The following KCNG3 variants were observed in gnomAD, a reference collection of about 807,000 sequenced individuals.
The protein encoded by KCNG3 is voltage-gated potassium channel regulatory subunit KCNG3.
A neutral mutation model predicts 29.0 loss-of-function variants in KCNG3; 15 were observed. The observed-to-expected ratio is 0.52, with a 90% confidence interval of 0.35 to 0.80. KCNG3 has a LOEUF of 0.80. Among genes scored for constraint, KCNG3 ranks in the 30% least tolerant of loss-of-function variants. The probability of loss-of-function intolerance (pLI) is 0.01; values close to 1 mark genes in which losing one functional copy is unlikely to be tolerated. For synonymous variants in KCNG3, 322 were observed against 248.9 expected (o/e 1.29, Z -2.76); for missense variants, 512 against 605.7 (o/e 0.85, Z 1.62).
the KCNG3 span, among the ~76,000 whole-genome samples, chr2:42,407,627 C>T: frequency 2.0e-5 from 3 of 152,282 alleles, no homozygotes; most frequent in African/African-American, 7.2e-5. Flanking sequence ...CTCCAGGGAG[C>T]CCCGCTTGGG....
At chr2:42,450,601 T>C (rs1208226679) in intron 1 of KCNG3, among the ~76,000 whole-genome samples, 5 of 152,234 alleles carry the variant, frequency 3.3e-5, no homozygotes, top group East Asian at 1.9e-4. Flanking sequence ...TCCAAACATA[T>C]AGATGTTCAT....
At chr2:42,404,550 G>A in the KCNG3 span, among the ~76,000 whole-genome samples, 2 of 152,004 alleles carry the variant, frequency 1.3e-5, no homozygotes, top group African/African-American at 4.8e-5. Flanking sequence ...GCAACATGGC[G>A]AAACCCCATC....
chr2:42,475,222 G>T (rs1572858928), intron 1 of KCNG3, among the ~76,000 whole-genome samples: 2 of 152,092 alleles, frequency 1.3e-5, no homozygotes, highest in Admixed American at 1.3e-4. Context: ...CTACTTGAGA[G>T]GCTGAGGCAG....
intron 1 of KCNG3, among the ~76,000 whole-genome samples, chr2:42,449,741 G>A (rs969411233): frequency 1.3e-5 from 2 of 152,088 alleles, no homozygotes; most frequent in East Asian, 1.9e-4. Flanking sequence ...ATGAGCCACC[G>A]CACCCAGCCT....
Position 42,442,205 on chromosome 2 carries a change from T to C in KCNG3, c.*1729A>G, listed in dbSNP as rs1011674600. 2 of 152,166 alleles carry C rather than the reference T, an allele frequency of 1.3e-5. No homozygotes were observed. 9.4% of individuals were successfully genotyped at this position (152,166 alleles called of 1,614,324 possible). ...TCTTTTGGGTATGTAAGAAGTAGCATACTAGCAGTAATAGGGAAAATAGGG... is the reference window on the plus strand; with the variant it reads ...TCTTTTGGGTATGTAAGAAGTAGCACACTAGCAGTAATAGGGAAAATAGGG... On this transcript the variant is annotated 3_prime_UTR_variant, in exon 2 of 2. Coordinates refer to ENST00000306078, the MANE Select transcript of KCNG3 (RefSeq NM_133329.6).
the KCNG3 span, among the ~76,000 whole-genome samples, chr2:42,413,928 G>T: frequency 6.6e-6 from 1 of 152,236 alleles, no homozygotes; most frequent in African/African-American, 2.4e-5. Flanking sequence ...AATGTTGGCG[G>T]GGGACACAGC....
chr2:42,451,079 C>A (rs899021583), intron 1 of KCNG3, among the ~76,000 whole-genome samples: 6 of 151,464 alleles, frequency 4.0e-5, no homozygotes, highest in Admixed American at 1.3e-4. Context: ...GTGGCAGGCG[C>A]CTGTAATCCC....
At chr2:42,449,007 T>C (rs1385965724) in intron 1 of KCNG3, among the ~76,000 whole-genome samples, 4 of 151,952 alleles carry the variant, frequency 2.6e-5, no homozygotes, top group Non-Finnish European at 5.9e-5. Flanking sequence ...AAAAACATGC[T>C]TATACAGACA....
At chr2:42,490,395 G>C (rs960863087) in intron 1 of KCNG3, among the ~76,000 whole-genome samples, 1 of 151,880 alleles carries the variant, frequency 6.6e-6, no homozygotes, top group African/African-American at 2.4e-5. Flanking sequence ...GACCAACATG[G>C]AGAAACCCCA....
At chr2:42,414,964 T>G in the KCNG3 span, among the ~76,000 whole-genome samples, 2 of 152,236 alleles carry the variant, frequency 1.3e-5, no homozygotes, top group Non-Finnish European at 2.9e-5. Flanking sequence ...TACTTTTTAT[T>G]TTAATGTCTT....
intron 1 of KCNG3, among the ~76,000 whole-genome samples, chr2:42,453,558 AT>A (rs541233691): frequency 6.6e-6 from 1 of 151,878 alleles, no homozygotes; most frequent in South Asian, 2.1e-4. Flanking sequence ...AAATTATTAG[AT>A]TTTTTTTCCT....
At chr2:42,435,656 T>G in the KCNG3 span, among the ~76,000 whole-genome samples, 1 of 152,180 alleles carries the variant, frequency 6.6e-6, no homozygotes, top group South Asian at 2.1e-4. Flanking sequence ...CCAACAGCAT[T>G]GTCATTAGGG....
chr2:42,453,256 G>T (rs1672807086), intron 1 of KCNG3, among the ~76,000 whole-genome samples: 1 of 152,172 alleles, frequency 6.6e-6, no homozygotes, highest in Non-Finnish European at 1.5e-5. Flanking sequence ...TCTATTTTCA[G>T]TTTTTTAAGG....
At chr2:42,478,824 A>G (rs1673506840) in intron 1 of KCNG3, among the ~76,000 whole-genome samples, 2 of 152,146 alleles carry the variant, frequency 1.3e-5, no homozygotes, top group African/African-American at 4.8e-5. Flanking sequence ...TCCTTTCTTA[A>G]AGTGTGCATC....
At chr2:42,456,468 G>A (rs1490776135) in intron 1 of KCNG3, among the ~76,000 whole-genome samples, 2 of 152,100 alleles carry the variant, frequency 1.3e-5, no homozygotes, top group Non-Finnish European at 2.9e-5. Flanking sequence ...AGTGGGCCAT[G>A]ATCGCACCAT....
At chr2:42,399,782 A>C in the KCNG3 span, among the ~76,000 whole-genome samples, 1 of 152,122 alleles carries the variant, frequency 6.6e-6, no homozygotes, top group Non-Finnish European at 1.5e-5. Context: ...CCTTTGCCGG[A>C]ATCCTAGGGA....
At chr2:42,450,587 G>C (rs1329674246) in intron 1 of KCNG3, among the ~76,000 whole-genome samples, 1 of 152,198 alleles carries the variant, frequency 6.6e-6, no homozygotes, top group East Asian at 1.9e-4. Context: ...GATTTCTTCT[G>C]AGTTCCAAAC....
intron 1 of KCNG3, among the ~76,000 whole-genome samples, chr2:42,451,204 CAAAAAAA>C (rs67651134): frequency 1.5e-4 from 9 of 61,020 alleles, no homozygotes; most frequent in African/African-American, 2.1e-4. Flanking sequence ...GACTCCAACT[CAAAAAAA>C]AAAAAAAAAA....
At chr2:42,419,909 C>G in the KCNG3 span, among the ~76,000 whole-genome samples, 1 of 152,200 alleles carries the variant, frequency 6.6e-6, no homozygotes, top group Non-Finnish European at 1.5e-5. Flanking sequence ...TTCCACACTA[C>G]TATCTGCATA....
Sources: allele counts gnomAD v4.1 joint callset (sites outside exome capture counted in the v4.1 genomes callset), GRCh38; gene constraint gnomAD v4.1.1; transcripts MANE v1.5; gene names NCBI Gene and HGNC (gene_info 2026-07-23, HGNC 2026-07-21).